The following STAB2 variants were observed in gnomAD, a reference collection of about 807,000 sequenced individuals.
STAB2 encodes stabilin-2.
STAB2 carries 288 observed loss-of-function variants against 338.1 expected under a neutral mutation model. The observed-to-expected ratio is 0.85, with a 90% CI of 0.77 to 0.94. The LOEUF is 0.94. Ranked by LOEUF, STAB2 falls within the 40% of genes least tolerant of loss-of-function variation. The pLI is 0.00. For missense variants in STAB2, 3,141 were observed against 3,210.1 expected (o/e 0.98, Z 0.52); for synonymous variants, 1,202 against 1,193.3 (o/e 1.01, Z -0.15).
At chr12:103,631,558 CTA>C (rs777305633) in intron 5 of STAB2, 38 bp from the exon 6 acceptor site, 1 of 1,572,896 alleles carries the variant, frequency 6.4e-7, no homozygotes, top group East Asian at 2.2e-5. Context: ...TAGCAACAGT[CTA>C]TGTCAGGTAA....
At chr12:103,638,291 A>C in intron 8 of STAB2, 79 bp downstream of exon 8, 1 of 1,456,494 alleles carries the variant, frequency 6.9e-7, no homozygotes, top group Non-Finnish European at 9.3e-7. Context: ...TTTGTCTTCT[A>C]TGCCATCCCA....
In STAB2 at chr12:103,590,976, G is replaced by A; in HGVS notation, c.161G>A (p.Cys54Tyr). 6.2e-7 allele frequency: 1 copy of A among 1,614,090 alleles called. No individual in the cohort carries two copies. The highest frequency in any genetic ancestry group is 8.5e-7 in the Non-Finnish European group (1 of 1,180,000). ...RSCALNLGVK[C>Y]PDGYTMITSG... ...TGCGCTCTCAACCTTGGAGTCAAGT[G>A]CCCGGATGGTTACACCATGATTACC... The change falls in exon 2 of 69, where the codon TGC (cysteine) becomes TAC (tyrosine). Residue 54 changes from cysteine (C) to tyrosine (Y), a missense_variant. Cys to Tyr is a radical substitution (Grantham distance 194). Transcript: ENST00000388887.
chr12:103,736,037 C>T (rs1462017183), intron 52 of STAB2, among the ~76,000 whole-genome samples: 1 of 152,220 alleles, frequency 6.6e-6, no homozygotes, highest in African/African-American at 2.4e-5. Flanking sequence ...TTTACCTTCC[C>T]TGGCTAGTTC....
At chr12:103,739,814 T>C (rs1488033623) in intron 54 of STAB2, among the ~76,000 whole-genome samples, 1 of 152,174 alleles carries the variant, frequency 6.6e-6, no homozygotes, top group Non-Finnish European at 1.5e-5. Context: ...TATATACTCA[T>C]TACTCTATCC....
chr12:103,752,590 T>A (rs956367666), intron 60 of STAB2, among the ~76,000 whole-genome samples: 8 of 152,182 alleles, frequency 5.3e-5, no homozygotes, highest in South Asian at 2.1e-4. Context: ...AAAACTTTTT[T>A]AAAAAGCACA....
At chr12:103,694,462 A>G (rs1317947450) in intron 31 of STAB2, among the ~76,000 whole-genome samples, 1 of 152,170 alleles carries the variant, frequency 6.6e-6, no homozygotes, top group Non-Finnish European at 1.5e-5. Context: ...AAAGCCAGAT[A>G]CAATTATTAG....
chr12:103,725,026 G>C lies in STAB2; in HGVS notation c.4735G>C (p.Glu1579Gln), dbSNP rs1566049514. The C allele has an allele frequency of 6.2e-7, 1 of 1,614,108 alleles. No individual in the cohort carries two copies. Among genetic ancestry groups the C allele is most frequent in the Non-Finnish European group, 8.5e-7 (1 of 1,179,948 alleles). The change falls in exon 45 of 69, where the codon GAA (glutamate) becomes CAA (glutamine). Residue 1579 changes from glutamate (E) to glutamine (Q), a missense_variant. By Grantham distance (29) the Glu-to-Gln change is conservative. Coordinates refer to ENST00000388887, the MANE Select transcript of STAB2 (RefSeq NM_017564.10). The stretch of plus-strand genomic sequence containing the variant: ...CATCTGCAACCACACTGGGCAAGTA[G>C]AAAGGACTTGTACTTGCAAGCCAAA... ...FAICNHTGQV[E>Q]RTCTCKPNYI...
At chr12:103,702,403 G>T (rs1196650961) in intron 34 of STAB2, among the ~76,000 whole-genome samples, 1 of 151,446 alleles carries the variant, frequency 6.6e-6, no homozygotes, top group Admixed American at 6.6e-5. Flanking sequence ...GGTTCACGCC[G>T]TTCTCCTGCC....
intron 35 of STAB2, among the ~76,000 whole-genome samples, chr12:103,703,956 C>G (rs998845450): frequency 9.2e-5 from 14 of 152,282 alleles, no homozygotes; most frequent in African/African-American, 3.1e-4. Context: ...CTAATACATG[C>G]AGGTTCATAC....
intron 9 of STAB2, among the ~76,000 whole-genome samples, chr12:103,644,257 T>G (rs1295796927): frequency 5.4e-5 from 8 of 147,892 alleles, no homozygotes; most frequent in Non-Finnish European, 1.2e-4. Flanking sequence ...CTCTGAAACA[T>G]GTGCTGTGTC....
chr12:103,613,039 C>A (rs1332705694), intron 3 of STAB2, among the ~76,000 whole-genome samples: 1 of 152,204 alleles, frequency 6.6e-6, no homozygotes, highest in Non-Finnish European at 1.5e-5. Context: ...CCTGATTGTT[C>A]CTCTAGAAGT....
At position 103,689,928 on chromosome 12, in the gene STAB2, A is replaced by C; in HGVS notation, c.3128A>C (p.Asp1043Ala). 2 of 1,614,190 alleles carry C rather than the reference A, an allele frequency of 1.2e-6. No homozygotes were observed. Among genetic ancestry groups the C allele is most frequent in the Non-Finnish European group, 1.7e-6 (2 of 1,180,006 alleles). The part of the protein sequence containing the change: ...VPSQQATEDM[D>A]QDEKSFWLSQ... ...TCCCAACAAGCTACTGAGGACATGG[A>C]CCAGGATGAGAAAAGCTTCTGGTTG... is the stretch of plus-strand genomic sequence containing the variant. The change falls in exon 29 of 69, where the codon GAC becomes GCC. Residue 1043 changes from aspartate to alanine, a missense_variant. By Grantham distance (126) the Asp-to-Ala change is moderately radical (BLOSUM62 -2). Transcript: ENST00000388887.
chr12:103,669,335 T>C, intron 20 of STAB2: 1 of 575,850 alleles, frequency 1.7e-6, no homozygotes, highest in Non-Finnish European at 3.1e-6. Context: ...TTAGAGCCAG[T>C]CCAGCACCCA....
intron 3 of STAB2, among the ~76,000 whole-genome samples, chr12:103,615,392 C>A (rs1454829563): frequency 6.6e-6 from 1 of 152,138 alleles, no homozygotes; most frequent in Non-Finnish European, 1.5e-5. Flanking sequence ...ATATGTAGGT[C>A]TGAGAAAAAT....
At chr12:103,659,153 G>A (rs1565991131) in intron 15 of STAB2, among the ~76,000 whole-genome samples, 1 of 152,146 alleles carries the variant, frequency 6.6e-6, no homozygotes, top group East Asian at 1.9e-4. Flanking sequence ...ACCCTGCCCT[G>A]CACATAATGC....
chr12:103,588,640 C>T (rs1447501598), intron 1 of STAB2, among the ~76,000 whole-genome samples: 2 of 152,078 alleles, frequency 1.3e-5, no homozygotes, highest in Non-Finnish European at 2.9e-5. Flanking sequence ...AGACAATGAG[C>T]CTTTTCATTT....
intron 39 of STAB2, 75 bp downstream of exon 39, chr12:103,708,611 A>G (rs892868849): frequency 7.2e-6 from 10 of 1,383,038 alleles, no homozygotes; most frequent in Non-Finnish European, 1.0e-5. Context: ...TCTTTCTAAA[A>G]TATAAATGAC....
At chr12:103,614,424 G>A (rs982434469) in intron 3 of STAB2, among the ~76,000 whole-genome samples, 1 of 152,170 alleles carries the variant, frequency 6.6e-6, no homozygotes, top group Non-Finnish European at 1.5e-5. Flanking sequence ...GTTTCCTGCT[G>A]ACCTCTAGCC....
rs371093549 is a variant in STAB2, at chr12:103,594,529, G to A, written c.331+19G>A. ...TGTATAGGTAAGTGGCACAATGCTT[G>A]GACTTTGAGACTTGCTTCTTGGTAT... On this transcript the variant is annotated intron_variant, in intron 3 of 68. Transcript: ENST00000388887. The A allele has an allele frequency of 4.2e-5, 67 of 1,578,404 alleles. No homozygotes were observed. The highest frequency in any genetic ancestry group is 5.4e-5 in the Non-Finnish European group (62 of 1,148,134).
Sources: gnomAD v4.1 joint callset for allele counts (sites outside exome capture counted in the v4.1 genomes callset) on GRCh38, gnomAD v4.1.1 for gene constraint, MANE v1.5 for transcripts, NCBI Gene and HGNC (gene_info 2026-07-23, HGNC 2026-07-21) for gene names.